The following DPYD variants were observed in gnomAD, a reference collection of about 807,000 sequenced individuals.
The protein encoded by DPYD is dihydropyrimidine dehydrogenase.
Under a neutral mutation model 116.2 loss-of-function variants are expected in DPYD, and 109 were observed. That is an observed-to-expected ratio of 0.94 (90% CI 0.80 to 1.10). DPYD has a LOEUF of 1.10. Among genes scored for constraint, DPYD ranks in the 50% least tolerant of loss-of-function variants. DPYD has a pLI of 0.00. For synonymous variants in DPYD, 440 were observed against 432.0 expected, an observed-to-expected ratio of 1.02 and a Z score of -0.23; for missense variants, 1,302 against 1,254.5, an observed-to-expected ratio of 1.04 and a Z score of -0.57.
At chr1:97,233,993 GA>G (rs1443796755) in intron 19 of DPYD, among the ~76,000 whole-genome samples, 1 of 152,136 alleles carries the variant, frequency 6.6e-6, no homozygotes, top group African/African-American at 2.4e-5. Context: ...TTAGCAACAT[GA>G]ACTATTTACA....
chr1:97,268,750 C>A (rs1664390823), intron 18 of DPYD, among the ~76,000 whole-genome samples: 1 of 152,090 alleles, frequency 6.6e-6, no homozygotes, highest in Non-Finnish European at 1.5e-5. Context: ...GAAACCCTGC[C>A]TTCAATGTCC....
At chr1:97,184,892 T>C (rs1657889470) in intron 20 of DPYD, among the ~76,000 whole-genome samples, 1 of 152,182 alleles carries the variant, frequency 6.6e-6, no homozygotes, top group Non-Finnish European at 1.5e-5. Flanking sequence ...ATGACCTTAT[T>C]GCGCTGGTTA....
In DPYD at chr1:97,305,764, TACAAAATATGAAGA is replaced by T. The variant is rs1667121207; in HGVS notation, c.2179+399_2180-387del. On this transcript the variant is annotated intron_variant, in intron 17 of 22. Transcript: ENST00000370192. ...GTGTTTAAGGAAGTCAGCTAGGCCC[TACAAAATATGAAGA>T]GAACTCATAAGAAATTTCACATTGT... Among the ~76,000 whole-genome samples, 2 of 151,998 alleles carry T rather than the reference TACAAAATATGAAGA, an allele frequency of 1.3e-5. 1 individual carries two copies. The highest frequency in any genetic ancestry group is 4.1e-4 in the South Asian group (2 of 4,838).
At chr1:97,248,507 G>A (rs182729712) in intron 18 of DPYD, among the ~76,000 whole-genome samples, 9 of 152,282 alleles carry the variant, frequency 5.9e-5, no homozygotes, top group Admixed American at 4.6e-4. Flanking sequence ...TCTGATGTAT[G>A]TCTTTATTAG....
intron 1 of DPYD, among the ~76,000 whole-genome samples, chr1:97,912,689 C>T (rs1040547229): frequency 3.9e-5 from 6 of 151,980 alleles, no homozygotes; most frequent in African/African-American, 1.4e-4. Context: ...TAAAAGTTAA[C>T]ACTTTTATTA....
At chr1:97,737,397 C>T (rs58823243) in intron 4 of DPYD, among the ~76,000 whole-genome samples, 2 of 152,180 alleles carry the variant, frequency 1.3e-5, no homozygotes, top group Admixed American at 6.5e-5. Flanking sequence ...TTATAAATTA[C>T]GGACTTTCCA....
intron 14 of DPYD, among the ~76,000 whole-genome samples, chr1:97,399,819 A>G (rs543324341): frequency 6.6e-5 from 10 of 152,278 alleles, no homozygotes; most frequent in African/African-American, 2.4e-4. Flanking sequence ...ACTTTGTTGA[A>G]GTTGCTTATC....
chr1:97,897,673 C>A (rs1032471460), intron 1 of DPYD, among the ~76,000 whole-genome samples: 1 of 151,826 alleles, frequency 6.6e-6, no homozygotes, highest in Non-Finnish European at 1.5e-5. Context: ...TTTTTCATCT[C>A]CTTACAGTTG....
intron 11 of DPYD, among the ~76,000 whole-genome samples, chr1:97,551,592 G>A (rs987250933): frequency 3.3e-5 from 5 of 151,546 alleles, no homozygotes; most frequent in African/African-American, 4.8e-5. Context: ...TTATCACTAG[G>A]AGATCAAAGC....
At position 97,775,088 on chromosome 1, in the gene DPYD, T is replaced by C. The variant is rs771238320; in HGVS notation, c.234-34609A>G. ...GCCAGACTCATATTATTATCTACTATTTTAAAAATATTTGTCTTTTATATT... is the reference window on the plus strand; with the variant it reads ...GCCAGACTCATATTATTATCTACTACTTTAAAAATATTTGTCTTTTATATT... On this transcript the variant is annotated intron_variant, in intron 3 of 22. Coordinates refer to ENST00000370192, the MANE Select transcript of DPYD (RefSeq NM_000110.4). 6.1e-5 allele frequency: 10 copies of C among 163,464 alleles called. No homozygotes were observed. The South Asian group carries it at 1.1e-3, about 18-fold the overall frequency. 10.1% of individuals were successfully genotyped at this position (163,464 alleles called of 1,614,324 possible). A position where few individuals can be genotyped will look rare whatever the true frequency, so the allele number is the denominator to read the frequency against.
intron 20 of DPYD, among the ~76,000 whole-genome samples, chr1:97,136,058 G>A (rs756076904): frequency 7.2e-5 from 11 of 152,132 alleles, no homozygotes; most frequent in Non-Finnish European, 1.0e-4. Flanking sequence ...CAGAAGTAGC[G>A]AGCTGAGTCA....
At chr1:97,915,730 T>G (rs1408824139) in intron 1 of DPYD, among the ~76,000 whole-genome samples, 3 of 152,190 alleles carry the variant, frequency 2.0e-5, no homozygotes, top group Non-Finnish European at 4.4e-5. Context: ...TAAAATTTTC[T>G]TTACAGTTTT....
In DPYD at chr1:97,833,450, A is replaced by G. The variant is rs180991466; in HGVS notation, c.151-5254T>C. Among the ~76,000 whole-genome samples the G allele has an allele frequency of 1.8e-3, 276 of 152,274 alleles. 4 individuals are homozygous for G. Among genetic ancestry groups the G allele is most frequent in the Admixed American group, 0.014 (217 of 15,294 alleles). On this transcript the variant is annotated intron_variant, in intron 2 of 22. Coordinates refer to ENST00000370192, the MANE Select transcript of DPYD (RefSeq NM_000110.4). ...GATGACTATGAGTTTGTTACTTCCA[A>G]ACCTGTCTTTGAAATGATTTACAAT... is the stretch of plus-strand genomic sequence containing the variant.
chr1:97,459,145 T>C (rs956784519), intron 13 of DPYD, among the ~76,000 whole-genome samples: 8 of 152,152 alleles, frequency 5.3e-5, no homozygotes, highest in Admixed American at 3.3e-4. Context: ...ATATAACATA[T>C]GAGCAAATAG....
At chr1:97,677,085 A>G (rs995225330) in intron 8 of DPYD, among the ~76,000 whole-genome samples, 1 of 152,224 alleles carries the variant, frequency 6.6e-6, no homozygotes, top group Admixed American at 6.5e-5. Flanking sequence ...ATAAAATTAA[A>G]TTAAAAAGCT....
chr1:97,720,642 G>A (rs1342001869), intron 5 of DPYD: 1 of 1,263,568 alleles, frequency 7.9e-7, no homozygotes, highest in Non-Finnish European at 1.0e-6. Context: ...TTATGGGAAG[G>A]GTCCCAAAAT....
intron 12 of DPYD, among the ~76,000 whole-genome samples, chr1:97,529,157 C>A (rs940990012): frequency 6.6e-6 from 1 of 152,152 alleles, no homozygotes; most frequent in Non-Finnish European, 1.5e-5. Flanking sequence ...CCCACTGCCA[C>A]GTACCAGCTC....
chr1:97,587,260 A>G (rs1161587545), intron 10 of DPYD, among the ~76,000 whole-genome samples: 1 of 152,180 alleles, frequency 6.6e-6, no homozygotes, highest in Non-Finnish European at 1.5e-5. Context: ...ACTGTTAATT[A>G]GCTTTTTGTG....
chr1:97,128,590 A>T (rs557544968), intron 20 of DPYD, among the ~76,000 whole-genome samples: 1 of 152,260 alleles, frequency 6.6e-6, no homozygotes, highest in South Asian at 2.1e-4. Context: ...GAAGAGAAAC[A>T]TGTTTATGAG....
Sources: gnomAD v4.1 joint callset for allele counts (sites outside exome capture counted in the v4.1 genomes callset) on GRCh38, gnomAD v4.1.1 for gene constraint, MANE v1.5 for transcripts, NCBI Gene and HGNC (gene_info 2026-07-23, HGNC 2026-07-21) for gene names.